Variants in ANK3 observed in about 807,000 individuals in gnomAD.
ANK3 encodes the protein ankyrin-3.
A neutral mutation model predicts 370.9 loss-of-function variants in ANK3; 57 were observed. That is an observed-to-expected ratio of 0.15 (90% CI 0.12 to 0.19). The LOEUF (loss-of-function observed/expected upper bound fraction) is 0.19. Ranked by LOEUF, ANK3 falls within the 10% of genes least tolerant of loss-of-function variation. ANK3 has a pLI of 1.00. For missense variants in ANK3, 4,439 were observed against 5,302.1 expected, an observed-to-expected ratio of 0.84 and a Z score of 5.06; for synonymous variants, 1,929 against 1,946.3, an observed-to-expected ratio of 0.99 and a Z score of 0.23.
At chr10:60,440,145 A>G (rs552090805) in intron 2 of ANK3, among the ~76,000 whole-genome samples, 24 of 152,130 alleles carry the variant, frequency 1.6e-4, no homozygotes, top group South Asian at 6.2e-4. Context: ...AGGAGGATAA[A>G]GAGAATAACA....
At chr10:60,126,674 T>C (rs1357441803) in intron 25 of ANK3, among the ~76,000 whole-genome samples, 6 of 147,374 alleles carry the variant, frequency 4.1e-5, no homozygotes, top group Admixed American at 1.4e-4. Flanking sequence ...GGTGACAGAG[T>C]GAGACTCCGT....
chr10:60,423,383 C>T (rs181274473), intron 2 of ANK3, among the ~76,000 whole-genome samples: 3 of 151,272 alleles, frequency 2.0e-5, no homozygotes, highest in Non-Finnish European at 4.4e-5. Flanking sequence ...GGAGGTAGGG[C>T]AGTCTGGAAT....
intron 1 of ANK3, among the ~76,000 whole-genome samples, chr10:60,336,213 G>C (rs1053920524): frequency 1.3e-5 from 2 of 152,092 alleles, no homozygotes; most frequent in African/African-American, 4.8e-5. Flanking sequence ...AGGCATTGGA[G>C]GTCCTGGGGG....
chr10:60,069,407 T>C lies in ANK3; in HGVS notation c.11474A>G (p.Lys3825Arg). The C allele has an allele frequency of 6.2e-7, 1 of 1,614,044 alleles. No homozygotes were observed. Among genetic ancestry groups the C allele is most frequent in the Non-Finnish European group, 8.5e-7 (1 of 1,180,002 alleles). The change falls in exon 37 of 44, where the codon AAA becomes AGA. Residue 3825 changes from lysine (K) to arginine (R), a missense_variant. By Grantham distance (26) the Lys-to-Arg change is conservative (BLOSUM62 2). This residue lies in a region of ANK3 where 496 missense variants were observed against 529.3 expected (regional missense o/e 0.94). Coordinates refer to ENST00000280772, the MANE Select transcript of ANK3 (RefSeq NM_020987.5). Reference sequence around the variant, plus strand: ...CCCTGTCTTTTTTCCTGATGAGACTTTCACTGGGTTATCTTTCTCTGTGGT... The same window carrying C: ...CCCTGTCTTTTTTCCTGATGAGACTCTCACTGGGTTATCTTTCTCTGTGGT... ...TCTTEKDNPVKVSSGKKTGVL... is the reference protein window; with the variant it reads ...TCTTEKDNPVRVSSGKKTGVL...
At chr10:60,459,240 C>T (rs914183502) in intron 2 of ANK3, among the ~76,000 whole-genome samples, 3 of 152,070 alleles carry the variant, frequency 2.0e-5, no homozygotes, top group Non-Finnish European at 4.4e-5. Context: ...GGGTGAAAAG[C>T]TTTGAGCGTA....
chr10:60,733,043 G>A (rs2080047712), intron 1 of ANK3, among the ~76,000 whole-genome samples: 1 of 151,646 alleles, frequency 6.6e-6, no homozygotes, highest in South Asian at 2.1e-4. Flanking sequence ...TCGAGCTCTC[G>A]CCTCTGTCCC....
intron 2 of ANK3, among the ~76,000 whole-genome samples, chr10:60,456,055 T>C (rs2064739183): frequency 6.6e-6 from 1 of 152,200 alleles, no homozygotes; most frequent in Non-Finnish European, 1.5e-5. Flanking sequence ...ATTTTTAAAG[T>C]AAATGTCACA....
At chr10:60,239,659 T>C (rs2097393667) in intron 7 of ANK3, among the ~76,000 whole-genome samples, 1 of 152,034 alleles carries the variant, frequency 6.6e-6, no homozygotes, top group Admixed American at 6.6e-5. Context: ...AACAGAAACT[T>C]AGGCCTGCAC....
At position 60,138,975 on chromosome 10, in the gene ANK3, C is replaced by G. The variant is rs76540767; in HGVS notation, c.2727G>C (p.Ala909=). ...CAACAACGAAGTACCTGGCAGAACGCGCTCCGAGACTAAAGCCCATGTAAC... is the reference window on the plus strand; with the variant it reads ...CAACAACGAAGTACCTGGCAGAACGGGCTCCGAGACTAAAGCCCATGTAAC... The part of the protein sequence containing the change: ...AEGYMGFSLG[A]RSASLRSFSS... The change falls in exon 24 of 44, where the codon GCG becomes GCC. Residue 909 remains alanine, a synonymous_variant. Coordinates refer to ENST00000280772, the MANE Select transcript of ANK3 (RefSeq NM_020987.5). The G allele has an allele frequency of 3.7e-6, 6 of 1,613,686 alleles. No individual in the cohort carries two copies. The highest frequency in any genetic ancestry group is 1.3e-5 in the African/African-American group (1 of 74,868).
chr10:60,300,627 G>T, intron 1 of ANK3: 1 of 1,019,842 alleles, frequency 9.8e-7, no homozygotes, highest in African/African-American at 1.7e-5. Context: ...ATTTAGTCAT[G>T]ATATGTGGAA....
chr10:60,076,276 A>G lies in ANK3; in HGVS notation c.4605T>C (p.Ser1535=), dbSNP rs749749219. 1 of 1,614,144 alleles carries G rather than the reference A, an allele frequency of 6.2e-7. No individual in the cohort carries two copies. Among genetic ancestry groups the G allele is most frequent in the South Asian group, 1.1e-5 (1 of 91,086 alleles). ...SSSSSNTPSA[S]PLKSIWSVST... is the part of the protein sequence containing the mutation. The stretch of plus-strand genomic sequence containing the variant: ...AAACAGACCATATTGATTTTAACGG[A>G]GAAGCTGATGGCGTATTAGAGGAAG... Residue 1535 remains serine, a synonymous_variant, in exon 37 of 44, where the codon TCT becomes TCC. Coordinates refer to ENST00000280772, the MANE Select transcript of ANK3 (RefSeq NM_020987.5).
At chr10:60,471,805 G>C (rs1339400927) in intron 2 of ANK3, among the ~76,000 whole-genome samples, 1 of 151,896 alleles carries the variant, frequency 6.6e-6, no homozygotes, top group African/African-American at 2.4e-5. Flanking sequence ...AACAGGACTG[G>C]AAAACATACA....
At chr10:60,690,723 C>T (rs1006695296) in intron 1 of ANK3, among the ~76,000 whole-genome samples, 2 of 152,124 alleles carry the variant, frequency 1.3e-5, no homozygotes, top group Non-Finnish European at 2.9e-5. Flanking sequence ...ATAGTTAATA[C>T]AACCTACCAA....
At chr10:60,228,564 C>G (rs1021432087) in intron 8 of ANK3, among the ~76,000 whole-genome samples, 1 of 146,666 alleles carries the variant, frequency 6.8e-6, no homozygotes, top group Non-Finnish European at 1.5e-5. Context: ...TTCAAACATA[C>G]AAAGGTGCTT....
At chr10:60,499,202 C>T (rs546079948) in intron 2 of ANK3, among the ~76,000 whole-genome samples, 1 of 152,286 alleles carries the variant, frequency 6.6e-6, no homozygotes. Context: ...GACAAAAATG[C>T]ATGTTCTTCC....
chr10:60,628,221 T>C (rs2078436659), intron 1 of ANK3, among the ~76,000 whole-genome samples: 1 of 152,140 alleles, frequency 6.6e-6, no homozygotes, highest in Non-Finnish European at 1.5e-5. Flanking sequence ...CAGATGCCAT[T>C]TATAGGTGAA....
intron 2 of ANK3, among the ~76,000 whole-genome samples, chr10:60,482,944 G>A (rs2075261817): frequency 6.6e-6 from 1 of 152,126 alleles, no homozygotes; most frequent in South Asian, 2.1e-4. Context: ...AAAAATTAAA[G>A]AACTAAGCAC....
intron 1 of ANK3, among the ~76,000 whole-genome samples, chr10:60,358,155 C>T (rs750591047): frequency 6.6e-6 from 1 of 151,754 alleles, no homozygotes; most frequent in African/African-American, 2.4e-5. Context: ...CAAAACTTCT[C>T]TCTTATCCCA....
At chr10:60,141,142 C>A (rs2094539843) in intron 23 of ANK3, 2 of 446,556 alleles carry the variant, frequency 4.5e-6, no homozygotes, top group African/African-American at 2.1e-5. Context: ...GCAGTGATTC[C>A]CATAACTCTC....
Sources: gnomAD v4.1 joint callset for allele counts (sites outside exome capture counted in the v4.1 genomes callset) on GRCh38, gnomAD v4.1.1 for gene constraint, gnomAD v4.1.1 regional missense constraint, MANE v1.5 for transcripts, NCBI Gene and HGNC (gene_info 2026-07-23, HGNC 2026-07-21) for gene names.